Variants in BCL2L14 observed in about 807,000 individuals in gnomAD.
BCL2L14 encodes BCL2 like 14.
BCL2L14 carries 27 observed loss-of-function variants against 35.3 expected under a neutral mutation model. That is an observed-to-expected ratio of 0.76 (90% confidence interval 0.56 to 1.05). The LOEUF (loss-of-function observed/expected upper bound fraction) is 1.05, where lower values mean the gene tolerates loss of function less well. Ranked by LOEUF, BCL2L14 falls within the 50% of genes least tolerant of loss-of-function variation. The pLI is 0.00. For synonymous variants in BCL2L14, 139 were observed against 145.9 expected (o/e 0.95, Z 0.34); for missense variants, 377 against 382.6 (o/e 0.99, Z 0.12).
intron 2 of BCL2L14, among the ~76,000 whole-genome samples, chr12:12,060,796 G>T (rs1404795758): frequency 7.7e-5 from 10 of 129,944 alleles, no homozygotes; most frequent in African/African-American, 3.0e-4. Context: ...CACTCCCAGA[G>T]CCCCTGGAAC....
At chr12:12,073,663 C>A (rs1169838610) in intron 1 of BCL2L14, among the ~76,000 whole-genome samples, 1 of 152,114 alleles carries the variant, frequency 6.6e-6, no homozygotes, top group Non-Finnish European at 1.5e-5. Context: ...ATGTTTTTAA[C>A]ATACATGGAA....
chr12:12,091,718 C>T (rs531958271), intron 4 of BCL2L14, among the ~76,000 whole-genome samples: 1 of 151,994 alleles, frequency 6.6e-6, no homozygotes, highest in Non-Finnish European at 1.5e-5. Context: ...TGAGAAACAG[C>T]GAGAAAACCA....
At chr12:12,050,231 C>T (rs1479411044) in intron 1 of BCL2L14, among the ~76,000 whole-genome samples, 2 of 152,042 alleles carry the variant, frequency 1.3e-5, no homozygotes, top group Non-Finnish European at 2.9e-5. Context: ...TAGGAGGCCA[C>T]GACTAATGCC....
chr12:12,068,806 G>A (rs116000211), upstream of BCL2L14, among the ~76,000 whole-genome samples: 816 of 152,288 alleles, frequency 5.4e-3, 6 homozygotes, highest in African/African-American at 0.019. Context: ...TGAAAGCAAG[G>A]TTATTAAGCA....
chr12:12,075,909 A>C (rs1948770804), intron 1 of BCL2L14, among the ~76,000 whole-genome samples: 1 of 151,808 alleles, frequency 6.6e-6, no homozygotes, highest in South Asian at 2.1e-4. Flanking sequence ...CTGTAAACTG[A>C]TCATTAGATC....
At chr12:12,089,800 T>G (rs1949138774) in intron 3 of BCL2L14, among the ~76,000 whole-genome samples, 1 of 152,238 alleles carries the variant, frequency 6.6e-6, no homozygotes, top group Non-Finnish European at 1.5e-5. Context: ...TTATTAATTT[T>G]ACTTATTTAT....
chr12:12,056,138 T>C (rs1003288308), intron 2 of BCL2L14, among the ~76,000 whole-genome samples: 1 of 152,158 alleles, frequency 6.6e-6, no homozygotes, highest in Non-Finnish European at 1.5e-5. Flanking sequence ...TGGTTACAAA[T>C]CCCCATTTGC....
At chr12:12,061,600 G>A (rs56249637) in intron 2 of BCL2L14, among the ~76,000 whole-genome samples, 20,137 of 151,472 alleles carry the variant, frequency 0.13, 1,523 homozygotes, top group Non-Finnish European at 0.17. Flanking sequence ...TCCTCAATAC[G>A]TCCCTCCACA....
chr12:12,086,298 A>ACTCTCCCAGAGTCTC (rs372213500), intron 2 of BCL2L14, among the ~76,000 whole-genome samples: 35 of 152,320 alleles, frequency 2.3e-4, no homozygotes, highest in African/African-American at 8.4e-4. Flanking sequence ...AGCCTGGGTG[A>ACTCTCCCAGAGTCTC]CAGAGTGAGA....
At chr12:12,052,757 C>G (rs147770565) in intron 2 of BCL2L14, among the ~76,000 whole-genome samples, 40 of 152,286 alleles carry the variant, frequency 2.6e-4, no homozygotes, top group African/African-American at 6.0e-4. Flanking sequence ...ATTGCTGTAT[C>G]AGGACCTTGG....
At chr12:12,082,721 C>T (rs1055052390) in intron 2 of BCL2L14, among the ~76,000 whole-genome samples, 1 of 152,106 alleles carries the variant, frequency 6.6e-6, no homozygotes, top group African/African-American at 2.4e-5. Context: ...GAATAATATT[C>T]TCCATAAAAA....
At chr12:12,088,127 GAC>G (rs1949088886) in intron 3 of BCL2L14, among the ~76,000 whole-genome samples, 1 of 152,190 alleles carries the variant, frequency 6.6e-6, no homozygotes, top group Admixed American at 6.5e-5. Flanking sequence ...CGAGGACATG[GAC>G]ACACACAAGA....
At chr12:12,090,119 T>A (rs1430857441) in intron 3 of BCL2L14, among the ~76,000 whole-genome samples, 1 of 151,936 alleles carries the variant, frequency 6.6e-6, no homozygotes, top group Non-Finnish European at 1.5e-5. Context: ...AGAAGAATAT[T>A]CCCCCTAAAT....
intron 3 of BCL2L14, 140 bp downstream of exon 3, chr12:12,087,526 T>C: frequency 1.0e-6 from 1 of 963,638 alleles, no homozygotes; most frequent in Non-Finnish European, 1.5e-6. Context: ...CTGTGGGCAA[T>C]GAGCTCCAGC....
upstream of BCL2L14, chr12:12,068,006 C>T (rs1948613789): frequency 2.6e-6 from 1 of 384,482 alleles, no homozygotes; most frequent in Non-Finnish European, 4.6e-6. Context: ...CATCATGGCT[C>T]ATTGCAGCCT....
chr12:12,099,210 C>T lies in BCL2L14; in HGVS notation c.*222C>T. 3.8e-6 allele frequency: 2 copies of T among 532,938 alleles called. No homozygotes were observed. The highest frequency in any genetic ancestry group is 6.7e-6 in the Non-Finnish European group (2 of 297,744). 33.0% of individuals were successfully genotyped at this position (532,938 alleles called of 1,614,324 possible). A position where few individuals can be genotyped will look rare whatever the true frequency, so the allele number is the denominator to read the frequency against. On this transcript the variant is annotated 3_prime_UTR_variant, in exon 6 of 6. Coordinates refer to ENST00000308721, the MANE Select transcript of BCL2L14 (RefSeq NM_138723.2). ...TTGACAGTGATGTTTTTCAGGCCCT[C>T]CATTGAGAACCTGAGGAAATCTGTA...
chr12:12,096,434 A>G (rs79128487), intron 5 of BCL2L14, among the ~76,000 whole-genome samples: 35,932 of 90,088 alleles, frequency 0.4, 4,636 homozygotes, highest in East Asian at 0.52. Flanking sequence ...CAAGAATGTG[A>G]AAAAAAAAAA....
At chr12:12,074,313 A>C (rs1948733808) in intron 1 of BCL2L14, among the ~76,000 whole-genome samples, 1 of 152,216 alleles carries the variant, frequency 6.6e-6, no homozygotes, top group African/African-American at 2.4e-5. Flanking sequence ...CAGTCAGTAG[A>C]GCATCAAGCG....
At chr12:12,057,517 G>A (rs1036740248) in intron 2 of BCL2L14, among the ~76,000 whole-genome samples, 4 of 152,152 alleles carry the variant, frequency 2.6e-5, no homozygotes, top group African/African-American at 2.4e-5. Flanking sequence ...CAGCACTTTG[G>A]GAGGCCGAGG....
Sources: allele counts gnomAD v4.1 joint callset (sites outside exome capture counted in the v4.1 genomes callset), GRCh38; gene constraint gnomAD v4.1.1; transcripts MANE v1.5; gene names NCBI Gene and HGNC (gene_info 2026-07-23, HGNC 2026-07-21).